The following ASRGL1 variants were observed in gnomAD, a reference collection of about 807,000 sequenced individuals.
The protein encoded by ASRGL1 is isoaspartyl peptidase/L-asparaginase.
In ASRGL1, 16 loss-of-function variants were observed where a neutral mutation model predicts 22.4. The ratio of observed to expected loss-of-function variants is 0.71; its 90% CI spans 0.48 to 1.08. The LOEUF is 1.08. ASRGL1 is among the 50% of genes least tolerant of loss of function. The pLI, the probability that ASRGL1 is intolerant of heterozygous loss-of-function variation, is 0.00. For missense variants in ASRGL1, 412 were observed against 410.1 expected (o/e 1.00, Z -0.04); for synonymous variants, 165 against 159.3 (o/e 1.04, Z -0.27).
chr11:62,337,998 C>A lies in ASRGL1; in HGVS notation c.21C>A (p.Val7=). 1 of 1,602,050 alleles carries A rather than the reference C, an allele frequency of 6.2e-7. No individual in the cohort carries two copies. Residue 7 remains valine (V), a synonymous_variant, in exon 2 of 7, where the codon GTC becomes GTA. Transcript: ENST00000415229. ...CCGACATGAATCCCATCGTAGTGGT[C>A]CACGGCGGCGGAGCCGGTCCCATCT... MNPIVV[V]HGGGAGPISK... is the part of the protein sequence containing the mutation.
At chr11:62,344,451 T>C (rs1220847079) in intron 2 of ASRGL1, among the ~76,000 whole-genome samples, 2 of 152,188 alleles carry the variant, frequency 1.3e-5, no homozygotes, top group Non-Finnish European at 2.9e-5. Context: ...AAACCAGTCA[T>C]GCTTTTTGTG....
intron 2 of ASRGL1, among the ~76,000 whole-genome samples, chr11:62,345,505 G>A (rs771546375): frequency 2.0e-4 from 31 of 152,138 alleles, no homozygotes; most frequent in Non-Finnish European, 3.7e-4. Flanking sequence ...CTGACCTCAA[G>A]TGATCCACCA....
intron 4 of ASRGL1, chr11:62,372,655 G>A (rs1946804853): frequency 1.0e-6 from 1 of 987,980 alleles, no homozygotes; most frequent in Non-Finnish European, 1.6e-6. Context: ...TCCCAGAAGT[G>A]AGTCTTCTCC....
chr11:62,337,877 A>C lies in ASRGL1; in HGVS notation c.-88-13A>C. 3.1e-6 allele frequency: 4 copies of C among 1,277,084 alleles called. No individual in the cohort carries two copies. The highest frequency in any genetic ancestry group is 2.1e-6 in the Non-Finnish European group (2 of 932,992). The allele number at this position is 1,277,084 out of a possible 1,614,324, so 79.1% of individuals were successfully genotyped here. On this transcript the variant is annotated splice_polypyrimidine_tract_variant and intron_variant, in intron 1 of 6. Coordinates refer to ENST00000415229, the MANE Select transcript of ASRGL1 (RefSeq NM_001083926.2). Reference sequence around the variant, plus strand: ...CAGCCGTTCAGAACAGAGACTGGGCATTGTCCCCACAGGGTCTCCCGAGGA... The same window carrying C: ...CAGCCGTTCAGAACAGAGACTGGGCCTTGTCCCCACAGGGTCTCCCGAGGA...
chr11:62,338,119 G>C lies in ASRGL1; in HGVS notation c.142G>C (p.Val48Leu), dbSNP rs1451746996. ...GGAGGGCGGGAGCGCCGTGGATGCC[G>C]TAGAGGGAGCTGTCGTCGCCCTGGA... is the stretch of plus-strand genomic sequence containing the variant. ...LREGGSAVDA[V>L]EGAVVALEDD... The change falls in exon 2 of 7, where the codon GTA (valine) becomes CTA (leucine). Residue 48 changes from valine (V) to leucine (L), a missense_variant. Transcript: ENST00000415229. The C allele has an allele frequency of 6.2e-7, 1 of 1,603,732 alleles. No individual in the cohort carries two copies. Among genetic ancestry groups the C allele is most frequent in the South Asian group, 1.1e-5 (1 of 89,222 alleles).
At position 62,392,393 on chromosome 11, in the gene ASRGL1, T is replaced by A; in HGVS notation, c.*109T>A. On this transcript the variant is annotated 3_prime_UTR_variant, in exon 7 of 7. Coordinates refer to ENST00000415229, the MANE Select transcript of ASRGL1 (RefSeq NM_001083926.2). ...AGAATTGGAAAAATTGTCCCGTCTG[T>A]CACTTGTTTTGTTGCCTTAATAAGC... 1 of 1,341,618 alleles carries A rather than the reference T, an allele frequency of 7.5e-7. No individual in the cohort carries two copies. Among genetic ancestry groups the A allele is most frequent in the Admixed American group, 2.0e-5 (1 of 50,028 alleles). The allele number at this position is 1,341,618 out of a possible 1,614,324, so 83.1% of individuals were successfully genotyped here. A position where few individuals can be genotyped will look rare whatever the true frequency, so the allele number is the denominator to read the frequency against.
chr11:62,389,755 A>T (rs2134702577), intron 5 of ASRGL1: 1 of 244,954 alleles, frequency 4.1e-6, no homozygotes, highest in East Asian at 1.1e-4. Flanking sequence ...TCTCATTCCC[A>T]GGAGTGGGTG....
intron 4 of ASRGL1, among the ~76,000 whole-genome samples, chr11:62,378,485 T>C (rs910783667): frequency 8.5e-5 from 13 of 152,162 alleles, no homozygotes; most frequent in African/African-American, 2.9e-4. Flanking sequence ...TTATTATTTA[T>C]GGCTGGTATA....
At chr11:62,396,802 A>T (rs1285102195), downstream of ASRGL1, among the ~76,000 whole-genome samples, 1 of 151,966 alleles carries the variant, frequency 6.6e-6, no homozygotes, top group Non-Finnish European at 1.5e-5. Context: ...TGATCATCTC[A>T]AGAGTTAACT....
intron 4 of ASRGL1, among the ~76,000 whole-genome samples, chr11:62,363,078 C>T (rs1021855209): frequency 3.3e-5 from 5 of 150,040 alleles, no homozygotes; most frequent in Non-Finnish European, 7.4e-5. Flanking sequence ...GGACTACAGG[C>T]GCCCGCCACC....
At chr11:62,340,905 C>T (rs1373623750) in intron 2 of ASRGL1, among the ~76,000 whole-genome samples, 1 of 152,230 alleles carries the variant, frequency 6.6e-6, no homozygotes, top group East Asian at 1.9e-4. Context: ...GCATTCATGA[C>T]ACAACTTGCC....
chr11:62,362,446 CTG>C (rs1464191937), intron 4 of ASRGL1, among the ~76,000 whole-genome samples: 5 of 121,456 alleles, frequency 4.1e-5, no homozygotes, highest in Non-Finnish European at 8.2e-5. Flanking sequence ...TTTAACAAAA[CTG>C]TAACCAAAAA....
chr11:62,394,498 A>G (rs911914843), downstream of ASRGL1, among the ~76,000 whole-genome samples: 4 of 151,568 alleles, frequency 2.6e-5, no homozygotes, highest in African/African-American at 9.7e-5. Flanking sequence ...TTGGGAGAGG[A>G]CAGAATTCAG....
At chr11:62,345,771 G>T (rs1198906702) in intron 2 of ASRGL1, among the ~76,000 whole-genome samples, 1 of 152,102 alleles carries the variant, frequency 6.6e-6, no homozygotes, top group Non-Finnish European at 1.5e-5. Context: ...AACCTTTTTG[G>T]CACCAGGGAC....
intron 4 of ASRGL1, among the ~76,000 whole-genome samples, chr11:62,362,610 A>T (rs368957088): frequency 2.2e-5 from 1 of 46,090 alleles, no homozygotes; most frequent in South Asian, 4.0e-4. Context: ...TATATAAAAT[A>T]TATATTATAT....
chr11:62,374,245 A>G (rs1236733738), intron 4 of ASRGL1, among the ~76,000 whole-genome samples: 1 of 152,174 alleles, frequency 6.6e-6, no homozygotes, highest in Admixed American at 6.5e-5. Flanking sequence ...CTCACATGTC[A>G]GCACGGATGC....
intron 2 of ASRGL1, among the ~76,000 whole-genome samples, chr11:62,342,442 A>G (rs1273860093): frequency 6.6e-6 from 1 of 152,228 alleles, no homozygotes; most frequent in African/African-American, 2.4e-5. Flanking sequence ...GTTACTGTTT[A>G]TTCCTAATTA....
At chr11:62,391,808 G>A (rs1947345759) in intron 6 of ASRGL1, 176 bp downstream of exon 6, 4 of 796,874 alleles carry the variant, frequency 5.0e-6, no homozygotes, top group Non-Finnish European at 5.8e-6. Flanking sequence ...TGGAATGGTA[G>A]AGCATTGAGT....
At chr11:62,342,123 C>G (rs543967739) in intron 2 of ASRGL1, among the ~76,000 whole-genome samples, 11 of 152,066 alleles carry the variant, frequency 7.2e-5, no homozygotes, top group African/African-American at 2.7e-4. Flanking sequence ...TGAAACGGGA[C>G]CTTACATTTT....
Sources: allele counts gnomAD v4.1 joint callset (sites outside exome capture counted in the v4.1 genomes callset), GRCh38; gene constraint gnomAD v4.1.1; transcripts MANE v1.5; gene names NCBI Gene and HGNC (gene_info 2026-07-23, HGNC 2026-07-21).